SYT16: variants seen among roughly 807,000 people sequenced by gnomAD.
The protein encoded by SYT16 is synaptotagmin 16, also known as synaptotagmin-16.
In SYT16, 42 loss-of-function variants were observed where a neutral mutation model predicts 61.4. The ratio of observed to expected loss-of-function variants is 0.68; its 90% CI spans 0.53 to 0.89. The LOEUF (loss-of-function observed/expected upper bound fraction) is 0.89. Among genes scored for constraint, SYT16 ranks in the 40% least tolerant of loss-of-function variants. SYT16 has a pLI of 0.00. For synonymous variants in SYT16, 314 were observed against 302.3 expected (o/e 1.04, Z -0.40); for missense variants, 804 against 807.3 (o/e 1.00, Z 0.05).
At chr14:62,085,135 G>A (rs1225888894) in intron 7 of SYT16, among the ~76,000 whole-genome samples, 2 of 152,198 alleles carry the variant, frequency 1.3e-5, no homozygotes, top group Non-Finnish European at 2.9e-5. Context: ...GCTGTTTTCA[G>A]TTGCCTCAAC....
intron 7 of SYT16, among the ~76,000 whole-genome samples, chr14:62,096,623 G>A (rs1224518875): frequency 6.6e-6 from 1 of 151,940 alleles, no homozygotes; most frequent in Non-Finnish European, 1.5e-5. Flanking sequence ...TTTCTAATGT[G>A]CAAAATTCTA....
chr14:61,926,829 T>A (rs1220915902), intron 1 of SYT16, among the ~76,000 whole-genome samples: 5 of 152,166 alleles, frequency 3.3e-5, no homozygotes, highest in Non-Finnish European at 7.3e-5. Context: ...GGGCTTTCAG[T>A]TTCAGAGGGT....
chr14:62,043,706 C>T (rs1403881926), intron 3 of SYT16, among the ~76,000 whole-genome samples: 2 of 152,070 alleles, frequency 1.3e-5, no homozygotes, highest in African/African-American at 4.8e-5. Flanking sequence ...CGCGCCCAGC[C>T]TTGATGTTGA....
Position 61,937,104 on chromosome 14 carries a change from A to G in SYT16, c.-324-33028A>G, listed in dbSNP as rs8003499. Among the ~76,000 whole-genome samples, 405 of 152,346 alleles carry G rather than the reference A, an allele frequency of 2.7e-3. 3 individuals carry two copies. Among genetic ancestry groups the G allele is most frequent in the African/African-American group, 9.2e-3 (382 of 41,582 alleles). ...CAGTGGAAGCTGGGCTGGCTGGAGC[A>G]GGGATTTCCCCGTGGATGGTGATGT... On this transcript the variant is annotated intron_variant, in intron 1 of 7. Transcript: ENST00000683842.
At chr14:61,928,821 C>G (rs1400479795) in intron 1 of SYT16, among the ~76,000 whole-genome samples, 2 of 152,130 alleles carry the variant, frequency 1.3e-5, no homozygotes, top group Non-Finnish European at 2.9e-5. Context: ...AGCTTGTTCT[C>G]AGGAACACGA....
At chr14:62,011,880 C>A (rs1405110027) in intron 3 of SYT16, among the ~76,000 whole-genome samples, 1 of 125,018 alleles carries the variant, frequency 8.0e-6, no homozygotes, top group African/African-American at 3.5e-5. Context: ...TATATACACA[C>A]ACACACACAC....
At chr14:62,017,373 A>T (rs556437195) in intron 3 of SYT16, among the ~76,000 whole-genome samples, 1 of 152,164 alleles carries the variant, frequency 6.6e-6, no homozygotes, top group Admixed American at 6.5e-5. Flanking sequence ...TCTCATTCAC[A>T]TGCTGACAAA....
At chr14:61,822,734 A>T (rs1368508351) in intron 1 of SYT16, among the ~76,000 whole-genome samples, 1 of 152,192 alleles carries the variant, frequency 6.6e-6, no homozygotes, top group African/African-American at 2.4e-5. Context: ...TGCAAATGTT[A>T]CAGATTTATA....
At chr14:61,942,984 G>A (rs550819618) in intron 1 of SYT16, among the ~76,000 whole-genome samples, 12 of 152,144 alleles carry the variant, frequency 7.9e-5, no homozygotes, top group African/African-American at 2.9e-4. Flanking sequence ...TAGACCACTA[G>A]CCAGACTAAT....
intron 1 of SYT16, among the ~76,000 whole-genome samples, chr14:61,862,654 G>A (rs2047001241): frequency 6.6e-6 from 1 of 152,102 alleles, no homozygotes; most frequent in Non-Finnish European, 1.5e-5. Context: ...GTCCATTAAG[G>A]TTCACTCTTG....
chr14:62,075,530 G>T, intron 5 of SYT16, 139 bp downstream of exon 5: 1 of 937,318 alleles, frequency 1.1e-6, no homozygotes, highest in Non-Finnish European at 1.4e-6. Context: ...TTTTTGTCCA[G>T]ATGACCAAAA....
chr14:62,071,445 T>A (rs1371641977), intron 4 of SYT16, among the ~76,000 whole-genome samples: 2 of 152,236 alleles, frequency 1.3e-5, no homozygotes, highest in Non-Finnish European at 2.9e-5. Context: ...CTGGCAATTC[T>A]GAATTTTAGA....
intron 1 of SYT16, among the ~76,000 whole-genome samples, chr14:61,861,483 C>T (rs1473083535): frequency 1.3e-5 from 2 of 152,102 alleles, no homozygotes; most frequent in Admixed American, 1.3e-4. Context: ...AAACATGACT[C>T]ACTACAGCCT....
intron 7 of SYT16, among the ~76,000 whole-genome samples, chr14:62,086,568 G>T (rs1204709298): frequency 3.3e-5 from 5 of 152,168 alleles, no homozygotes; most frequent in Non-Finnish European, 7.3e-5. Context: ...CTATAAAAAA[G>T]GAGTCAGTAT....
rs540439992 is a variant in SYT16 at position 61,864,355 on chromosome 14, G to T, written c.-325+51545G>T. ...CTGGTTTCGGTGTTGCAGCTGCCGC[G>T]GAAGGCCGCTGTGTTCCAAGATGAG... is the stretch of plus-strand genomic sequence containing the variant. On this transcript the variant is annotated intron_variant, in intron 1 of 7. Coordinates refer to ENST00000683842, the MANE Select transcript of SYT16 (RefSeq NM_001367656.1). 2.0e-5 allele frequency among the ~76,000 whole-genome samples: 3 copies of T among 152,368 alleles called. No homozygotes were observed. The South Asian group carries it at 6.2e-4, about 32-fold the overall frequency.
Position 62,048,073 on chromosome 14 carries a change from C to G in SYT16, c.524-21530C>G, listed in dbSNP as rs547280228. Among the ~76,000 whole-genome samples the G allele has an allele frequency of 7.9e-5, 12 of 152,302 alleles. 1 individual carries two copies. The highest frequency in any genetic ancestry group is 2.4e-4 in the African/African-American group (10 of 41,568). The stretch of plus-strand genomic sequence containing the variant: ...ATGGTACCAGTTCCTCCTTGTACCT[C>G]TGGTAGAATTTGGCTGTGAAGCCAT... On this transcript the variant is annotated intron_variant, in intron 3 of 7. Coordinates refer to ENST00000683842, the MANE Select transcript of SYT16 (RefSeq NM_001367656.1).
Position 62,087,156 on chromosome 14 carries a change from G to T in SYT16, c.1624+2771G>T, listed in dbSNP as rs148897114. Among the ~76,000 whole-genome samples the T allele has an allele frequency of 4.3e-4, 66 of 152,334 alleles. No individual in the cohort carries two copies. The East Asian group carries it at 0.012, about 28-fold the overall frequency. ...GGGATACATTTTTAGTTCCCATATG[G>T]AAGAGAACAAGAGAGAGAAAGAATG... is the stretch of plus-strand genomic sequence containing the variant. On this transcript the variant is annotated intron_variant, in intron 7 of 7. Coordinates refer to ENST00000683842, the MANE Select transcript of SYT16 (RefSeq NM_001367656.1).
At chr14:61,932,376 A>G (rs1390647032) in intron 1 of SYT16, among the ~76,000 whole-genome samples, 2 of 152,220 alleles carry the variant, frequency 1.3e-5, no homozygotes, top group Non-Finnish European at 2.9e-5. Flanking sequence ...TTATAAAGAA[A>G]AGAGGTTTAA....
At chr14:61,999,404 G>A (rs1457527194) in intron 3 of SYT16, among the ~76,000 whole-genome samples, 3 of 151,598 alleles carry the variant, frequency 2.0e-5, no homozygotes, top group Non-Finnish European at 4.4e-5. Context: ...TATGGACATA[G>A]TAGTTAATTA....
Sources: gnomAD v4.1 joint callset for allele counts (sites outside exome capture counted in the v4.1 genomes callset) on GRCh38, gnomAD v4.1.1 for gene constraint, MANE v1.5 for transcripts, NCBI Gene and HGNC (gene_info 2026-07-23, HGNC 2026-07-21) for gene names.